The following POLR1C variants were observed in gnomAD, a reference collection of about 807,000 sequenced individuals.
The protein encoded by POLR1C is DNA-directed RNA polymerases I and III subunit RPAC1.
A neutral mutation model predicts 38.3 loss-of-function variants in POLR1C; 42 were observed. The ratio of observed to expected loss-of-function variants is 1.10; its 90% CI spans 0.86 to 1.42. The LOEUF is 1.42. Among genes scored for constraint, POLR1C ranks in the 40% most tolerant of loss-of-function variants. The pLI is 0.00. For missense variants in POLR1C, 507 were observed against 450.5 expected (o/e 1.13, Z -1.14); for synonymous variants, 163 against 163.9 (o/e 0.99, Z 0.04).
intron 9 of POLR1C, chr6:43,547,659 C>CTGA (rs1371655468): frequency 1.2e-6 from 2 of 1,613,936 alleles, no homozygotes; most frequent in African/African-American, 1.3e-5. Context: ...CACAGCTCTT[C>CTGA]TGATCTGTAC....
downstream of POLR1C, chr6:43,522,538 C>G (rs993052797): frequency 7.6e-6 from 2 of 262,606 alleles, no homozygotes; most frequent in African/African-American, 4.5e-5. Flanking sequence ...GGGAAACACT[C>G]TTGAGATCGC....
chr6:43,548,977 A>G (rs955699964), intron 9 of POLR1C, among the ~76,000 whole-genome samples: 2 of 152,210 alleles, frequency 1.3e-5, no homozygotes, highest in Non-Finnish European at 2.9e-5. Context: ...ATGGCAGAGA[A>G]CTATTTGTAT....
chr6:43,547,527 A>G (rs1795017596), intron 9 of POLR1C: 1 of 1,341,826 alleles, frequency 7.5e-7, no homozygotes, highest in South Asian at 1.2e-5. Flanking sequence ...GAAAAAACAA[A>G]TCTATGAGAA....
chr6:43,519,976 C>T (rs1582181436), intron 4 of POLR1C, 90 bp from the exon 5 acceptor site: 2 of 1,567,038 alleles, frequency 1.3e-6, no homozygotes, highest in African/African-American at 1.4e-5. Context: ...CCAAGTTTGC[C>T]ATAATTAAAT....
At chr6:43,551,307 G>C (rs1417940101) in intron 10 of POLR1C, 4 of 1,611,896 alleles carry the variant, frequency 2.5e-6, no homozygotes, top group Non-Finnish European at 3.4e-6. Flanking sequence ...CCTTAGAGAA[G>C]ACCTGGGGCA....
chr6:43,524,705 A>G (rs1441216919), downstream of POLR1C: 3 of 1,589,886 alleles, frequency 1.9e-6, no homozygotes, highest in Non-Finnish European at 2.6e-6. Flanking sequence ...TTCCTGCCAC[A>G]CCCATTTCTC....
intron 10 of POLR1C, chr6:43,560,213 T>C: frequency 1.9e-6 from 3 of 1,612,664 alleles, no homozygotes; most frequent in Non-Finnish European, 2.5e-6. Flanking sequence ...CGAAGATATT[T>C]TGGTATTATT....
chr6:43,540,261 C>T (rs903145510), intron 9 of POLR1C, among the ~76,000 whole-genome samples: 5 of 152,132 alleles, frequency 3.3e-5, no homozygotes, highest in Non-Finnish European at 7.3e-5. Flanking sequence ...GGGCGGATCA[C>T]GAGGTCAGGA....
chr6:43,527,556 C>T (rs972601479), intron 8 of POLR1C: 1 of 1,421,800 alleles, frequency 7.0e-7, no homozygotes. Context: ...ATTAGTCAGG[C>T]CTTCATGGAG....
At chr6:43,539,115 G>A in intron 9 of POLR1C, 1 of 1,241,024 alleles carries the variant, frequency 8.1e-7, no homozygotes, top group Admixed American at 1.9e-5. Context: ...CTGGGTGCAG[G>A]GATGAGGCGC....
intron 10 of POLR1C, among the ~76,000 whole-genome samples, chr6:43,553,886 T>C (rs917864058): frequency 2.0e-5 from 3 of 152,174 alleles, no homozygotes; most frequent in Non-Finnish European, 2.9e-5. Context: ...TCCCCCTTTA[T>C]AATCTTTTCC....
intron 9 of POLR1C, chr6:43,550,025 G>T: frequency 7.4e-7 from 1 of 1,356,318 alleles, no homozygotes; most frequent in East Asian, 2.4e-5. Flanking sequence ...TGAATTCCTG[G>T]GCTCAACTGA....
Position 43,560,203 on chromosome 6 carries a change from C to T in POLR1C, c.*49-1197C>T, listed in dbSNP as rs1413063117. 1.6e-5 allele frequency: 26 copies of T among 1,612,074 alleles called. No individual in the cohort carries two copies. The Admixed American group carries it at 2.3e-4, about 15-fold the overall frequency. On this transcript the variant is annotated intron_variant, in intron 10 of 10. Coordinates refer to the POLR1C transcript ENST00000607635. ...CTTGACCAAGTTAGTCATGGAAGCA[C>T]GAAGATATTTTGGTATTATTGCTAA...
intron 2 of POLR1C, among the ~76,000 whole-genome samples, chr6:43,517,905 G>A (rs1792921296): frequency 6.6e-6 from 1 of 152,134 alleles, no homozygotes; most frequent in African/African-American, 2.4e-5. Flanking sequence ...TTACCGTTTA[G>A]GCAACTGACC....
At chr6:43,524,733 T>C (rs868021425), downstream of POLR1C, 94 of 1,566,484 alleles carry the variant, frequency 6.0e-5, no homozygotes, top group African/African-American at 1.3e-3. Context: ...GCACCAGCAA[T>C]TTGGCAGGTG....
chr6:43,560,244 G>A (rs1425504190), intron 10 of POLR1C: 1 of 1,612,492 alleles, frequency 6.2e-7, no homozygotes, highest in South Asian at 1.1e-5. Flanking sequence ...AAGGATCACG[G>A]GACAGGATTT....
At chr6:43,531,616 C>T (rs751916995), downstream of POLR1C, 4 of 1,550,320 alleles carry the variant, frequency 2.6e-6, no homozygotes, top group South Asian at 2.2e-5. Flanking sequence ...GCTCCACTGT[C>T]AGGAGTCTCA....
chr6:43,523,719 C>T, downstream of POLR1C: 2 of 1,237,660 alleles, frequency 1.6e-6, no homozygotes, highest in Admixed American at 1.7e-5. Context: ...CTGCACAGGG[C>T]CTGTTCTCTC....
downstream of POLR1C, chr6:43,525,217 G>T (rs1261588016): frequency 1.3e-6 from 2 of 1,569,638 alleles, no homozygotes; most frequent in East Asian, 2.3e-5. Flanking sequence ...CAAACATCCT[G>T]AACAGGAAAA....
Sources: gnomAD v4.1 joint callset for allele counts (sites outside exome capture counted in the v4.1 genomes callset) on GRCh38, gnomAD v4.1.1 for gene constraint, MANE v1.5 for transcripts, NCBI Gene and HGNC (gene_info 2026-07-23, HGNC 2026-07-21) for gene names.